Variants in CYP4X1 observed in about 807,000 individuals in gnomAD.
CYP4X1 encodes the protein cytochrome P450 family 4 subfamily X member 1, also known as cytochrome P450 4X1.
Under a neutral mutation model 57.9 loss-of-function variants are expected in CYP4X1, and 44 were observed. The observed-to-expected ratio is 0.76, with a 90% CI of 0.60 to 0.98. The LOEUF (loss-of-function observed/expected upper bound fraction) is 0.98, where lower values mean the gene tolerates loss of function less well. Among genes scored for constraint, CYP4X1 ranks in the 50% least tolerant of loss-of-function variants. CYP4X1 has a pLI of 0.00. For synonymous variants in CYP4X1, 227 were observed against 228.6 expected, an observed-to-expected ratio of 0.99 and a Z score of 0.06; for missense variants, 532 against 623.9, an observed-to-expected ratio of 0.85 and a Z score of 1.57.
Position 47,048,720 on chromosome 1 carries a change from TA to T in CYP4X1, c.1272+93del. The T allele has an allele frequency of 4.1e-6, 5 of 1,212,892 alleles. No homozygotes were observed. In the South Asian group the frequency reaches 4.6e-5, roughly 11 times the overall value. 75.1% of individuals were successfully genotyped at this position (1,212,892 alleles called of 1,614,324 possible). On this transcript the variant is annotated intron_variant, in intron 10 of 11. Transcript: ENST00000371901. ...CTAAGCACAGAAGTGGCTATATAAT[TA>T]AGGGAAATGACACAAATTAAACAAA...
At chr1:46,996,166 C>A in the CYP4X1 span, among the ~76,000 whole-genome samples, 4 of 152,334 alleles carry the variant, frequency 2.6e-5, no homozygotes, top group African/African-American at 4.8e-5. Context: ...AAAAAGAAAT[C>A]TGATATTGTA....
At chr1:46,983,764 G>A in the CYP4X1 span, among the ~76,000 whole-genome samples, 1 of 152,178 alleles carries the variant, frequency 6.6e-6, no homozygotes, top group Non-Finnish European at 1.5e-5. Context: ...GGCAAAAATG[G>A]TGGGCATGTC....
the CYP4X1 span, among the ~76,000 whole-genome samples, chr1:47,015,088 G>A: frequency 0.018 from 2,702 of 152,228 alleles, 58 homozygotes; most frequent in East Asian, 0.047. Context: ...GCATGAATCC[G>A]TTTTACCATA....
At position 47,049,509 on chromosome 1, in the gene CYP4X1, G is replaced by T; in HGVS notation, c.1355+5G>T. Reference sequence around the variant, plus strand: ...ACCATTCTCAGCTGGATCAAGGTGAGAACAATTTGAAGTTGCTGAAAGTAC... The same window carrying T: ...ACCATTCTCAGCTGGATCAAGGTGATAACAATTTGAAGTTGCTGAAAGTAC... On this transcript the variant is annotated splice_donor_5th_base_variant and intron_variant, in intron 11 of 11. Coordinates refer to ENST00000371901, the MANE Select transcript of CYP4X1 (RefSeq NM_178033.2). The T allele has an allele frequency of 6.2e-7, 1 of 1,613,408 alleles. No homozygotes were observed. The highest frequency in any genetic ancestry group is 1.1e-5 in the South Asian group (1 of 91,046).
chr1:47,053,075 A>G (rs1158539990), downstream of CYP4X1, among the ~76,000 whole-genome samples: 1 of 148,742 alleles, frequency 6.7e-6, no homozygotes, highest in South Asian at 2.2e-4. Flanking sequence ...CCCATCCCCC[A>G]CCCCACAACA....
the CYP4X1 span, among the ~76,000 whole-genome samples, chr1:46,991,079 G>A: frequency 3.6e-4 from 55 of 151,414 alleles, no homozygotes; most frequent in Non-Finnish European, 5.9e-4. Context: ...TCCCGTTAGT[G>A]GATCTGCTAA....
chr1:46,965,046 G>A, the CYP4X1 span, among the ~76,000 whole-genome samples: 1 of 152,206 alleles, frequency 6.6e-6, no homozygotes, highest in Non-Finnish European at 1.5e-5. Flanking sequence ...GCCAGGCACA[G>A]GATATAGTCT....
chr1:46,970,739 G>A, the CYP4X1 span, among the ~76,000 whole-genome samples: 3 of 152,186 alleles, frequency 2.0e-5, no homozygotes, highest in African/African-American at 7.2e-5. Context: ...AAGGTCATAA[G>A]ATGCTAACCA....
At chr1:47,001,181 G>T in the CYP4X1 span, 1 of 177,634 alleles carries the variant, frequency 5.6e-6, no homozygotes, top group East Asian at 1.3e-4. Context: ...TGAGTATTCA[G>T]GGTCCACCTT....
At chr1:47,009,932 C>G in the CYP4X1 span, among the ~76,000 whole-genome samples, 1 of 152,026 alleles carries the variant, frequency 6.6e-6, no homozygotes, top group Non-Finnish European at 1.5e-5. Context: ...ACTTACCAAA[C>G]AAAAAAAGTC....
chr1:46,967,880 C>A, the CYP4X1 span: 1,210 of 931,052 alleles, frequency 1.3e-3, 14 homozygotes, highest in African/African-American at 0.02. Context: ...CTGAGCCAGG[C>A]AGACAGTGAA....
At chr1:47,005,067 T>G in the CYP4X1 span, among the ~76,000 whole-genome samples, 1 of 152,208 alleles carries the variant, frequency 6.6e-6, no homozygotes, top group Non-Finnish European at 1.5e-5. Flanking sequence ...CCACCTAAGG[T>G]CAGAGACATC....
rs991608173 is a variant in CYP4X1 at position 47,039,443 on chromosome 1, C to A, written c.984C>A (p.Ile328=). 6.2e-7 allele frequency: 1 copy of A among 1,613,680 alleles called. No homozygotes were observed. The highest frequency in any genetic ancestry group is 1.7e-5 in the Admixed American group (1 of 59,926). Residue 328 remains isoleucine (I), a synonymous_variant, in exon 8 of 12, where the codon ATC becomes ATA. Transcript: ENST00000371901. ...CCTTGGCAGCAAGCATCTCCTGGATCCTTTACTGCCTGGCTCTGAACCCTG... is the reference window on the plus strand; with the variant it reads ...CCTTGGCAGCAAGCATCTCCTGGATACTTTACTGCCTGGCTCTGAACCCTG... ...HDTLAASISW[I]LYCLALNPEH... is the part of the protein sequence containing the mutation.
chr1:47,023,703 C>G lies in CYP4X1; in HGVS notation c.-115C>G. On this transcript the variant is annotated 5_prime_UTR_variant, in exon 1 of 12. Transcript: ENST00000371901. ...CCTTCTTCCCGCGAGTCAGAAGCTTCGCGAGGGCCCAGAGAGGCGGTGGGG... is the reference window on the plus strand; with the variant it reads ...CCTTCTTCCCGCGAGTCAGAAGCTTGGCGAGGGCCCAGAGAGGCGGTGGGG... The G allele has an allele frequency of 6.9e-7, 1 of 1,451,336 alleles. No homozygotes were observed. Among genetic ancestry groups the G allele is most frequent in the Non-Finnish European group, 9.0e-7 (1 of 1,105,752 alleles). The allele number at this position is 1,451,336 out of a possible 1,614,324, so 89.9% of individuals were successfully genotyped here. A position where few individuals can be genotyped will look rare whatever the true frequency, so the allele number is the denominator to read the frequency against.
chr1:47,033,128 C>T, intron 3 of CYP4X1, 113 bp from the exon 4 acceptor site: 1 of 1,168,234 alleles, frequency 8.6e-7, no homozygotes, highest in Admixed American at 2.6e-5. Flanking sequence ...TGATACTCCA[C>T]TGTTGCATGA....
chr1:46,966,530 G>A, the CYP4X1 span, among the ~76,000 whole-genome samples: 1 of 152,062 alleles, frequency 6.6e-6, no homozygotes, highest in Non-Finnish European at 1.5e-5. Context: ...GGTTTCTTTG[G>A]CTCTGTGCCA....
the CYP4X1 span, among the ~76,000 whole-genome samples, chr1:46,990,817 G>A: frequency 2.0e-5 from 3 of 151,942 alleles, no homozygotes; most frequent in Non-Finnish European, 4.4e-5. Context: ...ACCAAACATC[G>A]CATGTTCTCA....
chr1:47,026,944 T>C (rs1644073403), intron 1 of CYP4X1, among the ~76,000 whole-genome samples: 1 of 152,116 alleles, frequency 6.6e-6, no homozygotes, highest in Non-Finnish European at 1.5e-5. Context: ...CTCGAACTCC[T>C]GACCTCGTGA....
chr1:46,993,928 A>G, the CYP4X1 span, among the ~76,000 whole-genome samples: 1 of 152,094 alleles, frequency 6.6e-6, no homozygotes, highest in Non-Finnish European at 1.5e-5. Flanking sequence ...GAAGCTCTTT[A>G]GTTTAATTAG....
Sources: allele counts gnomAD v4.1 joint callset (sites outside exome capture counted in the v4.1 genomes callset), GRCh38; gene constraint gnomAD v4.1.1; transcripts MANE v1.5; gene names NCBI Gene and HGNC (gene_info 2026-07-23, HGNC 2026-07-21).